CCDC141: variants seen among roughly 807,000 people sequenced by gnomAD.
CCDC141 encodes the protein coiled-coil domain-containing protein 141.
In CCDC141, 168 loss-of-function variants were observed where a neutral mutation model predicts 181.0. The ratio of observed to expected loss-of-function variants is 0.93; its 90% CI spans 0.82 to 1.05. CCDC141 has a LOEUF of 1.05. Among genes scored for constraint, CCDC141 ranks in the 50% least tolerant of loss-of-function variants. The pLI is 0.00. For missense variants in CCDC141, 1,902 were observed against 1,788.5 expected (o/e 1.06, Z -1.14); for synonymous variants, 666 against 642.3 (o/e 1.04, Z -0.56).
chr2:178,986,968 T>C (rs1691777904), intron 2 of CCDC141, among the ~76,000 whole-genome samples: 1 of 152,018 alleles, frequency 6.6e-6, no homozygotes, highest in Admixed American at 6.6e-5. Context: ...AAAAAACTAC[T>C]TTACAGTTCA....
chr2:178,891,368 C>T (rs985908642), intron 8 of CCDC141, among the ~76,000 whole-genome samples: 2 of 152,030 alleles, frequency 1.3e-5, no homozygotes, highest in Admixed American at 6.6e-5. Context: ...AGTAACTGGC[C>T]CAGTTCTGAA....
chr2:178,918,903 C>T lies in CCDC141; in HGVS notation c.902G>A (p.Trp301Ter), dbSNP rs1278995077. The T allele has an allele frequency of 1.3e-6, 2 of 1,549,950 alleles. No individual in the cohort carries two copies. The highest frequency in any genetic ancestry group is 8.7e-7 in the Non-Finnish European group (1 of 1,146,592). ...QEELIIKAKE[W>*]NSAVEKLKSE... ...CTTCAGCTTCTCAACAGCAGAATTC[C>T]ATTCCTGCAAGAGATTATTCTTATT... Residue 301 changes from tryptophan to a stop codon, truncating the protein, a stop_gained, in exon 7 of 24, where the codon TGG becomes TAG. Coordinates refer to ENST00000443758, the MANE Select transcript of CCDC141 (RefSeq NM_173648.4). LOFTEE classifies it high-confidence loss of function.
chr2:178,922,588 A>C (rs1207947077), intron 6 of CCDC141, among the ~76,000 whole-genome samples: 2 of 152,252 alleles, frequency 1.3e-5, no homozygotes, highest in Non-Finnish European at 2.9e-5. Flanking sequence ...TTCAGAATAA[A>C]CACAAAGCTA....
chr2:178,897,248 A>G lies in CCDC141; in HGVS notation c.1265+8081T>C, dbSNP rs140051510. Among the ~76,000 whole-genome samples the G allele has an allele frequency of 3.7e-3, 567 of 152,326 alleles. 7 individuals are homozygous for G. The highest frequency in any genetic ancestry group is 0.013 in the African/African-American group (525 of 41,572). ...CCAGAATAGCATAAGCACCACAAAC[A>G]TGGACACTTCACCTGTCACATTCGA... is the stretch of plus-strand genomic sequence containing the variant. On this transcript the variant is annotated intron_variant, in intron 8 of 23. Transcript: ENST00000443758.
chr2:179,015,063 CAGAG>C (rs202000740), intron 2 of CCDC141, among the ~76,000 whole-genome samples: 6 of 68,674 alleles, frequency 8.7e-5, no homozygotes, highest in Admixed American at 1.8e-4. Flanking sequence ...GTGAGAGAGA[CAGAG>C]ATATATATAT....
At chr2:178,958,645 C>T (rs908126744) in intron 5 of CCDC141, among the ~76,000 whole-genome samples, 2 of 152,138 alleles carry the variant, frequency 1.3e-5, no homozygotes, top group Admixed American at 1.3e-4. Context: ...TTTAGATTTC[C>T]TTCAAGCATG....
intron 5 of CCDC141, among the ~76,000 whole-genome samples, chr2:178,952,978 TCTTAA>T (rs1690013865): frequency 6.6e-6 from 1 of 152,200 alleles, no homozygotes; most frequent in African/African-American, 2.4e-5. Context: ...AGGAAATACT[TCTTAA>T]CTTAAACAAG....
At chr2:178,961,606 G>T in intron 4 of CCDC141, 123 bp from the exon 5 acceptor site, 2 of 854,290 alleles carry the variant, frequency 2.3e-6, no homozygotes, top group Non-Finnish European at 3.5e-6. Context: ...AAGTTGTGCT[G>T]CAAGGAATTA....
chr2:179,021,798 A>T (rs1411835728), intron 2 of CCDC141, among the ~76,000 whole-genome samples: 2 of 152,212 alleles, frequency 1.3e-5, no homozygotes, highest in Non-Finnish European at 2.9e-5. Context: ...ATCTGTTTAT[A>T]ATGGAAATGC....
intron 2 of CCDC141, among the ~76,000 whole-genome samples, chr2:179,010,589 C>T (rs1042513776): frequency 6.6e-6 from 1 of 152,102 alleles, no homozygotes; most frequent in African/African-American, 2.4e-5. Context: ...CTTTTTCAGA[C>T]AAGCACATGC....
In CCDC141 at chr2:178,837,378, C is replaced by T. The variant is rs1684526624; in HGVS notation, c.3841G>A (p.Glu1281Lys). 1 of 1,614,010 alleles carries T rather than the reference C, an allele frequency of 6.2e-7. No homozygotes were observed. Among genetic ancestry groups the T allele is most frequent in the African/African-American group, 1.3e-5 (1 of 74,924 alleles). ...AFADACNDKR[E>K]TFSSHFERPY... ...CTCTCAAAATGACTTGAAAATGTTT[C>T]TCTCTTATCATTGCATGCATCCGCA... is the stretch of plus-strand genomic sequence containing the variant. Residue 1281 changes from glutamate to lysine, a missense_variant, in exon 23 of 24, where the codon GAA becomes AAA. Coordinates refer to ENST00000443758, the MANE Select transcript of CCDC141 (RefSeq NM_173648.4).
At chr2:178,946,443 G>C (rs1689737124) in intron 5 of CCDC141, among the ~76,000 whole-genome samples, 1 of 152,204 alleles carries the variant, frequency 6.6e-6, no homozygotes, top group South Asian at 2.1e-4. Context: ...AGTGGATCAC[G>C]AATACAACTG....
chr2:178,898,815 C>G (rs1324462620), intron 8 of CCDC141, among the ~76,000 whole-genome samples: 1 of 151,886 alleles, frequency 6.6e-6, no homozygotes, highest in East Asian at 1.9e-4. Context: ...TTTTGACTAA[C>G]AGAAAAAAAA....
intron 5 of CCDC141, among the ~76,000 whole-genome samples, chr2:178,958,718 T>C (rs944845561): frequency 6.6e-4 from 101 of 152,294 alleles, no homozygotes; most frequent in African/African-American, 2.4e-3. Context: ...TCCCCTTTTT[T>C]TTGTTTTTTT....
rs10649193 is a variant in CCDC141, at chr2:178,945,853, G to GCACACACA, written c.781-1210_781-1203dup. On this transcript the variant is annotated intron_variant, in intron 5 of 23. Coordinates refer to ENST00000443758, the MANE Select transcript of CCDC141 (RefSeq NM_173648.4). ...CAATAAATGCACATGACACATGCGT[G>GCACACACA]CACACACACACACACACACACACAT... Among the ~76,000 whole-genome samples, 432 of 149,564 alleles carry GCACACACA rather than the reference G, an allele frequency of 2.9e-3. 3 individuals are homozygous for GCACACACA. Among genetic ancestry groups the GCACACACA allele is most frequent in the African/African-American group, 9.8e-3 (400 of 40,718 alleles).
At chr2:178,927,649 C>G (rs572633805) in intron 6 of CCDC141, among the ~76,000 whole-genome samples, 5 of 152,090 alleles carry the variant, frequency 3.3e-5, no homozygotes, top group Admixed American at 1.3e-4. Context: ...GAGCTGAGAC[C>G]TCAAACAAGC....
chr2:178,835,052 A>G (rs77177339), intron 23 of CCDC141, among the ~76,000 whole-genome samples: 7,185 of 152,274 alleles, frequency 0.047, 322 homozygotes, highest in Admixed American at 0.14. Context: ...ACACTAGGCC[A>G]CCATTTGCTC....
intron 17 of CCDC141, among the ~76,000 whole-genome samples, chr2:178,857,624 A>G (rs559682589): frequency 1.3e-5 from 2 of 152,322 alleles, no homozygotes; most frequent in South Asian, 2.1e-4. Context: ...AAGGATAAGC[A>G]TATCGACAGG....
intron 2 of CCDC141, among the ~76,000 whole-genome samples, chr2:179,015,103 TAA>T (rs1559048771): frequency 0.011 from 319 of 28,198 alleles, 28 homozygotes; most frequent in African/African-American, 0.026. Context: ...TATATATATA[TAA>T]TATATATATA....
Sources: gnomAD v4.1 joint callset for allele counts (sites outside exome capture counted in the v4.1 genomes callset) on GRCh38, gnomAD v4.1.1 for gene constraint, MANE v1.5 for transcripts, NCBI Gene and HGNC (gene_info 2026-07-23, HGNC 2026-07-21) for gene names.